The following LEPR variants were observed in gnomAD, a reference collection of about 807,000 sequenced individuals.
LEPR encodes leptin receptor, also known as OB receptor.
A neutral mutation model predicts 114.7 loss-of-function variants in LEPR; 56 were observed. That is an observed-to-expected ratio of 0.49 (90% CI 0.39 to 0.61). The LOEUF (loss-of-function observed/expected upper bound fraction) is 0.61. Among genes scored for constraint, LEPR ranks in the 20% least tolerant of loss-of-function variants. LEPR has a pLI of 0.00. For synonymous variants in LEPR, 443 were observed against 461.4 expected (o/e 0.96, Z 0.51); for missense variants, 1,202 against 1,352.9 (o/e 0.89, Z 1.75).
At chr1:65,531,175 G>T (rs1650370405) in intron 2 of LEPR, among the ~76,000 whole-genome samples, 1 of 152,018 alleles carries the variant, frequency 6.6e-6, no homozygotes, top group Admixed American at 6.6e-5. Flanking sequence ...ACTTTACTCA[G>T]TTCCAGCCAC....
chr1:65,455,598 G>T (rs1259861424), intron 2 of LEPR, among the ~76,000 whole-genome samples: 6 of 151,506 alleles, frequency 4.0e-5, no homozygotes, highest in Non-Finnish European at 7.4e-5. Flanking sequence ...CTGCTCGGGG[G>T]TCAGGGGTCA....
At position 65,430,136 on chromosome 1, in the gene LEPR, C is replaced by T. The variant is rs1171723974; in HGVS notation, c.-21+4758C>T. The T allele has an allele frequency of 2.5e-6, 3 of 1,197,232 alleles. No homozygotes were observed. In the East Asian group the frequency reaches 7.6e-5, roughly 30 times the overall value. The allele number at this position is 1,197,232 out of a possible 1,614,324, so 74.2% of individuals were successfully genotyped here. Reference sequence around the variant, plus strand: ...TGGGACCTCCATTTCATGCTCATTACTTAGGCTTTATACTCAAGGCCGTGT... The same window carrying T: ...TGGGACCTCCATTTCATGCTCATTATTTAGGCTTTATACTCAAGGCCGTGT... On this transcript the variant is annotated intron_variant, in intron 2 of 19. Transcript: ENST00000349533.
chr1:65,583,143 G>A (rs932401262), intron 5 of LEPR, among the ~76,000 whole-genome samples: 4 of 152,188 alleles, frequency 2.6e-5, no homozygotes, highest in African/African-American at 9.6e-5. Flanking sequence ...TAGGCTTTCT[G>A]AACTGTAGAA....
At chr1:65,535,633 G>A (rs568359566) in intron 2 of LEPR, among the ~76,000 whole-genome samples, 9 of 152,166 alleles carry the variant, frequency 5.9e-5, no homozygotes, top group African/African-American at 1.9e-4. Flanking sequence ...TTACAGGTGT[G>A]GACCATCGTG....
intron 5 of LEPR, among the ~76,000 whole-genome samples, chr1:65,588,235 G>A (rs983384477): frequency 6.6e-6 from 1 of 151,854 alleles, no homozygotes; most frequent in African/African-American, 2.4e-5. Flanking sequence ...AATAACAACT[G>A]TCTGTTCTTG....
At chr1:65,546,151 T>A (rs1318918714) in intron 2 of LEPR, among the ~76,000 whole-genome samples, 1 of 152,252 alleles carries the variant, frequency 6.6e-6, no homozygotes, top group Non-Finnish European at 1.5e-5. Context: ...GGCTCTGTTC[T>A]ATTCCATTGA....
At chr1:65,550,315 C>G (rs1336338835) in intron 2 of LEPR, among the ~76,000 whole-genome samples, 1 of 152,172 alleles carries the variant, frequency 6.6e-6, no homozygotes, top group Non-Finnish European at 1.5e-5. Context: ...TCTCCAGCTG[C>G]GTGCTGGGAG....
At chr1:65,440,000 C>CAAAAAAAAAA (rs550347312) in intron 2 of LEPR, among the ~76,000 whole-genome samples, 25 of 58,130 alleles carry the variant, frequency 4.3e-4, no homozygotes, top group Non-Finnish European at 6.4e-4. Context: ...GATTCTGTCT[C>CAAAAAAAAAA]AAAAAAAAAA....
chr1:65,445,413 G>A (rs533042653), intron 2 of LEPR, among the ~76,000 whole-genome samples: 81 of 152,304 alleles, frequency 5.3e-4, no homozygotes, highest in African/African-American at 1.9e-3. Context: ...AAAGTTGCTG[G>A]TAAGTATCAT....
intron 2 of LEPR, among the ~76,000 whole-genome samples, chr1:65,472,368 A>G (rs1269619961): frequency 1.3e-5 from 2 of 149,292 alleles, no homozygotes; most frequent in African/African-American, 5.0e-5. Context: ...TTTCTTCCCA[A>G]TCCAACTAAC....
At chr1:65,454,528 C>T (rs370847442) in intron 2 of LEPR, among the ~76,000 whole-genome samples, 10 of 152,012 alleles carry the variant, frequency 6.6e-5, no homozygotes, top group Middle Eastern at 6.8e-3. Flanking sequence ...ATTTTATTTC[C>T]CCTTCACTTA....
chr1:65,616,608 A>G (rs1220635903), intron 15 of LEPR, among the ~76,000 whole-genome samples: 1 of 151,958 alleles, frequency 6.6e-6, no homozygotes, highest in East Asian at 1.9e-4. Flanking sequence ...AGTATATATC[A>G]TATTAAATAT....
intron 2 of LEPR, among the ~76,000 whole-genome samples, chr1:65,486,673 T>C (rs1647502143): frequency 6.6e-6 from 1 of 152,160 alleles, no homozygotes; most frequent in Non-Finnish European, 1.5e-5. Context: ...GACCTATCTC[T>C]GGGGAGATGA....
At chr1:65,473,864 AT>A (rs1253742218) in intron 2 of LEPR, among the ~76,000 whole-genome samples, 2 of 152,226 alleles carry the variant, frequency 1.3e-5, no homozygotes, top group Non-Finnish European at 2.9e-5. Flanking sequence ...GTAAATTAGA[AT>A]GTTAGCTATA....
At chr1:65,543,844 G>C (rs889509650) in intron 2 of LEPR, among the ~76,000 whole-genome samples, 1 of 151,990 alleles carries the variant, frequency 6.6e-6, no homozygotes, top group Non-Finnish European at 1.5e-5. Context: ...TTTTGGTACA[G>C]TACCATGCTG....
At chr1:65,531,422 C>CTCCTT (rs1440319211) in intron 2 of LEPR, among the ~76,000 whole-genome samples, 2 of 134,954 alleles carry the variant, frequency 1.5e-5, no homozygotes, top group Admixed American at 1.5e-4. Flanking sequence ...CTTTCCTTTC[C>CTCCTT]TCCTTTCCTT....
intron 2 of LEPR, among the ~76,000 whole-genome samples, chr1:65,496,264 T>C (rs1648150447): frequency 6.6e-6 from 1 of 152,202 alleles, no homozygotes; most frequent in Non-Finnish European, 1.5e-5. Flanking sequence ...AAGAGAAAAT[T>C]TGTTTTAATA....
intron 2 of LEPR, among the ~76,000 whole-genome samples, chr1:65,537,331 C>G (rs1171264): frequency 0.74 from 112,135 of 152,000 alleles, 42,597 homozygotes; most frequent in Middle Eastern, 0.9. Flanking sequence ...TATGTATAAA[C>G]CAGTAGCCCT....
chr1:65,522,551 G>C (rs1162580975), intron 2 of LEPR, among the ~76,000 whole-genome samples: 1 of 152,062 alleles, frequency 6.6e-6, no homozygotes, highest in South Asian at 2.1e-4. Flanking sequence ...CAGTTGAGCC[G>C]GAAAGAAAAC....
Sources: gnomAD v4.1 joint callset for allele counts (sites outside exome capture counted in the v4.1 genomes callset) on GRCh38, gnomAD v4.1.1 for gene constraint, MANE v1.5 for transcripts, NCBI Gene and HGNC (gene_info 2026-07-23, HGNC 2026-07-21) for gene names.